EPHA6: variants seen among roughly 807,000 people sequenced by gnomAD.
EPHA6 encodes the protein EPH receptor A6, also known as ephrin type-A receptor 6.
A neutral mutation model predicts 112.0 loss-of-function variants in EPHA6; 50 were observed. The ratio of observed to expected loss-of-function variants is 0.45; its 90% CI spans 0.36 to 0.56. The LOEUF is 0.56. EPHA6 is among the 20% of genes least tolerant of loss of function. The probability of loss-of-function intolerance (pLI) is 0.00; values close to 1 mark genes in which losing one functional copy is unlikely to be tolerated. For synonymous variants in EPHA6, 529 were observed against 490.7 expected, an observed-to-expected ratio of 1.08 and a Z score of -1.03; for missense variants, 1,280 against 1,417.4, an observed-to-expected ratio of 0.90 and a Z score of 1.56.
intron 3 of EPHA6, among the ~76,000 whole-genome samples, chr3:97,112,555 A>C (rs1237009055): frequency 2.0e-5 from 3 of 152,088 alleles, no homozygotes; most frequent in Non-Finnish European, 4.4e-5. Context: ...TTTCTGTTGT[A>C]TCATAAGCAC....
intron 11 of EPHA6, among the ~76,000 whole-genome samples, chr3:97,588,118 AT>A (rs1163913441): frequency 6.6e-6 from 1 of 152,184 alleles, no homozygotes; most frequent in Non-Finnish European, 1.5e-5. Context: ...AAACATAGCA[AT>A]TACTAAAGGA....
At chr3:97,499,557 C>G (rs952378193) in intron 10 of EPHA6, among the ~76,000 whole-genome samples, 1 of 152,122 alleles carries the variant, frequency 6.6e-6, no homozygotes, top group African/African-American at 2.4e-5. Context: ...TTAACCCAAA[C>G]CTAGATGGCA....
At chr3:97,332,233 A>G (rs2082837431) in intron 5 of EPHA6, among the ~76,000 whole-genome samples, 1 of 152,122 alleles carries the variant, frequency 6.6e-6, no homozygotes, top group Non-Finnish European at 1.5e-5. Context: ...ACTCTCAATA[A>G]ATTAGGTATT....
At chr3:97,224,025 C>T (rs2078281036) in intron 3 of EPHA6, among the ~76,000 whole-genome samples, 1 of 150,898 alleles carries the variant, frequency 6.6e-6, no homozygotes, top group African/African-American at 2.4e-5. Context: ...ATTTCAAATA[C>T]TTCGAGAAAA....
chr3:97,649,045 A>G (rs1363859467), intron 14 of EPHA6, among the ~76,000 whole-genome samples: 2 of 152,146 alleles, frequency 1.3e-5, no homozygotes, highest in Admixed American at 1.3e-4. Flanking sequence ...GGCACAAAAC[A>G]GGCACTTAGG....
chr3:97,387,618 A>G (rs754741001), intron 5 of EPHA6, among the ~76,000 whole-genome samples: 12 of 152,160 alleles, frequency 7.9e-5, no homozygotes, highest in Non-Finnish European at 1.3e-4. Context: ...CAATTTAACA[A>G]GTCTCTAGGA....
At chr3:97,058,358 C>T (rs542183276) in intron 3 of EPHA6, among the ~76,000 whole-genome samples, 4 of 151,992 alleles carry the variant, frequency 2.6e-5, no homozygotes, top group East Asian at 1.9e-4. Context: ...AGTACAACGG[C>T]GTGATCTCAG....
chr3:97,436,721 C>A (rs1410685185), intron 6 of EPHA6, among the ~76,000 whole-genome samples: 1 of 152,140 alleles, frequency 6.6e-6, no homozygotes, highest in Non-Finnish European at 1.5e-5. Flanking sequence ...TCTTAGCTTT[C>A]TTATTTACTT....
intron 11 of EPHA6, among the ~76,000 whole-genome samples, chr3:97,580,905 G>A (rs1347218373): frequency 6.6e-6 from 1 of 152,164 alleles, no homozygotes; most frequent in Non-Finnish European, 1.5e-5. Flanking sequence ...TTTGAAAATA[G>A]AGCCCAACAC....
intron 4 of EPHA6, among the ~76,000 whole-genome samples, chr3:97,239,359 T>TA (rs2078775135): frequency 6.6e-6 from 1 of 151,794 alleles, no homozygotes; most frequent in Non-Finnish European, 1.5e-5. Flanking sequence ...CAGTAGACCC[T>TA]TGAACAACAT....
chr3:96,941,093 C>T (rs531217454), intron 2 of EPHA6, among the ~76,000 whole-genome samples: 2 of 152,150 alleles, frequency 1.3e-5, no homozygotes, highest in South Asian at 4.1e-4. Context: ...TTGCTCTTCT[C>T]GAGGAGTATC....
Position 97,759,238 on chromosome 3 carries a change from A to T in EPHA6, c.*10537A>T, listed in dbSNP as rs2036098061. On this transcript the variant is annotated 3_prime_UTR_variant, in exon 18 of 18. Transcript: ENST00000389672. ...AACATGGAAGTTGTTGTTGTTGATG[A>T]CCTTCACAAGGTCATCAACTATGAA... 1.3e-5 allele frequency among the ~76,000 whole-genome samples: 2 copies of T among 151,920 alleles called. No individual in the cohort carries two copies. Among genetic ancestry groups the T allele is most frequent in the Admixed American group, 1.3e-4 (2 of 15,252 alleles).
At chr3:97,049,483 T>G (rs1173724070) in intron 3 of EPHA6, among the ~76,000 whole-genome samples, 1 of 152,188 alleles carries the variant, frequency 6.6e-6, no homozygotes, top group African/African-American at 2.4e-5. Flanking sequence ...TGTTGAGTTG[T>G]AAGTGCAGAT....
At chr3:97,012,513 T>C (rs1375850583) in intron 3 of EPHA6, among the ~76,000 whole-genome samples, 2 of 148,656 alleles carry the variant, frequency 1.3e-5, no homozygotes, top group Non-Finnish European at 3.0e-5. Flanking sequence ...TATATATATG[T>C]ATGTATATTC....
rs1452535702 is a variant in EPHA6 at position 97,423,446 on chromosome 3, G to A, written c.1731+18172G>A. ...AATACCTAAGAATACATCTAGCCAG[G>A]GAGGTGAAAGATCTCTACAATGATA... is the stretch of plus-strand genomic sequence containing the variant. On this transcript the variant is annotated intron_variant, in intron 6 of 17. Coordinates refer to ENST00000389672, the MANE Select transcript of EPHA6 (RefSeq NM_001080448.3). Among the ~76,000 whole-genome samples, 30 of 152,136 alleles carry A rather than the reference G, an allele frequency of 2.0e-4. No homozygotes were observed. In the East Asian group the frequency reaches 5.8e-3, roughly 29 times the overall value.
chr3:97,657,804 A>G (rs191216978), intron 14 of EPHA6, among the ~76,000 whole-genome samples: 302 of 151,898 alleles, frequency 2.0e-3, no homozygotes, highest in African/African-American at 6.9e-3. Flanking sequence ...TGTCTGAGGG[A>G]AGAATAGCAA....
intron 5 of EPHA6, among the ~76,000 whole-genome samples, chr3:97,399,478 G>A (rs929642286): frequency 6.6e-6 from 1 of 151,550 alleles, no homozygotes; most frequent in African/African-American, 2.4e-5. Context: ...GGATCATATG[G>A]TAGTTCTATT....
intron 7 of EPHA6, among the ~76,000 whole-genome samples, chr3:97,460,969 G>C (rs2090868710): frequency 6.6e-6 from 1 of 152,168 alleles, no homozygotes; most frequent in African/African-American, 2.4e-5. Flanking sequence ...TTCTGGTGCA[G>C]AGTAAAGCTG....
At chr3:96,947,607 GACAA>G (rs1213675436) in intron 2 of EPHA6, among the ~76,000 whole-genome samples, 2 of 152,088 alleles carry the variant, frequency 1.3e-5, no homozygotes, top group African/African-American at 2.4e-5. Context: ...ACCAACAAGA[GACAA>G]ACAGAGAGCC....
Sources: allele counts gnomAD v4.1 joint callset (sites outside exome capture counted in the v4.1 genomes callset), GRCh38; gene constraint gnomAD v4.1.1; transcripts MANE v1.5; gene names NCBI Gene and HGNC (gene_info 2026-07-23, HGNC 2026-07-21).